NPAS3: variants seen among roughly 807,000 people sequenced by gnomAD.
NPAS3 encodes neuronal PAS domain-containing protein 3.
A neutral mutation model predicts 73.1 loss-of-function variants in NPAS3; 14 were observed. The ratio of observed to expected loss-of-function variants is 0.19; its 90% CI spans 0.13 to 0.30. The LOEUF (loss-of-function observed/expected upper bound fraction) is 0.30. Among genes scored for constraint, NPAS3 ranks in the 10% least tolerant of loss-of-function variants. The pLI, the probability that NPAS3 is intolerant of heterozygous loss-of-function variation, is 1.00. For missense variants in NPAS3, 1,096 were observed against 1,250.0 expected (o/e 0.88, Z 1.86); for synonymous variants, 620 against 541.5 (o/e 1.14, Z -2.01).
At chr14:33,650,090 T>G (rs2058947264) in intron 5 of NPAS3, among the ~76,000 whole-genome samples, 1 of 152,188 alleles carries the variant, frequency 6.6e-6, no homozygotes, top group Admixed American at 6.5e-5. Context: ...GGATGTGTTT[T>G]TAAGAAGGTC....
chr14:33,095,983 T>A (rs12436519), intron 2 of NPAS3, among the ~76,000 whole-genome samples: 13 of 150,990 alleles, frequency 8.6e-5, no homozygotes, highest in African/African-American at 2.9e-4. Flanking sequence ...GCCTGGCCGG[T>A]CATTCTCTGT....
At chr14:32,941,094 A>G (rs1042579623) in intron 1 of NPAS3, among the ~76,000 whole-genome samples, 1 of 152,176 alleles carries the variant, frequency 6.6e-6, no homozygotes. Context: ...AGAAAAAATA[A>G]TTTCTCAGAG....
At chr14:33,109,295 C>T (rs2042816196) in intron 2 of NPAS3, among the ~76,000 whole-genome samples, 1 of 152,100 alleles carries the variant, frequency 6.6e-6, no homozygotes, top group Non-Finnish European at 1.5e-5. Context: ...CCTCAGTTTT[C>T]TCACCTGTAA....
At chr14:33,340,789 G>A (rs1366940654) in intron 3 of NPAS3, among the ~76,000 whole-genome samples, 4 of 152,082 alleles carry the variant, frequency 2.6e-5, no homozygotes, top group African/African-American at 9.7e-5. Context: ...TCAATTATCC[G>A]AATAATCTTT....
chr14:32,935,370 C>A (rs1433191901), upstream of NPAS3, among the ~76,000 whole-genome samples: 1 of 152,160 alleles, frequency 6.6e-6, no homozygotes, highest in African/African-American at 2.4e-5. Flanking sequence ...GATGCGGACC[C>A]GCGCATACGG....
At chr14:33,279,795 C>T (rs2041511823) in intron 3 of NPAS3, among the ~76,000 whole-genome samples, 1 of 152,054 alleles carries the variant, frequency 6.6e-6, no homozygotes, top group Admixed American at 6.6e-5. Context: ...GTATTCTACC[C>T]TGGGAATGAA....
At chr14:33,139,513 G>T (rs555235457) in intron 2 of NPAS3, among the ~76,000 whole-genome samples, 2 of 152,228 alleles carry the variant, frequency 1.3e-5, no homozygotes, top group South Asian at 4.1e-4. Context: ...AGATGTGGAC[G>T]GGGTGGAGGA....
intron 2 of NPAS3, among the ~76,000 whole-genome samples, chr14:33,131,243 A>T (rs2043624808): frequency 6.6e-6 from 1 of 152,164 alleles, no homozygotes. Flanking sequence ...TCATTAGGTC[A>T]TCTACTTGTA....
chr14:33,660,341 A>C (rs941044851), intron 5 of NPAS3, among the ~76,000 whole-genome samples: 1 of 152,072 alleles, frequency 6.6e-6, no homozygotes, highest in Admixed American at 6.6e-5. Context: ...CTCATAACTC[A>C]TTTCTAAACT....
chr14:33,794,610 A>ATT (rs5807747), intron 10 of NPAS3, among the ~76,000 whole-genome samples: 4,441 of 143,272 alleles, frequency 0.031, 157 homozygotes, highest in African/African-American at 0.082. Flanking sequence ...AATGAAGGCA[A>ATT]TTTTTTTTTT....
chr14:33,153,375 G>C (rs1455824228), intron 2 of NPAS3, among the ~76,000 whole-genome samples: 6 of 152,090 alleles, frequency 3.9e-5, no homozygotes, highest in Non-Finnish European at 5.9e-5. Flanking sequence ...GAACCATGTA[G>C]GGAACTCCAA....
chr14:33,527,184 G>A (rs949428883), intron 4 of NPAS3, among the ~76,000 whole-genome samples: 17 of 152,024 alleles, frequency 1.1e-4, no homozygotes, highest in South Asian at 2.1e-4. Flanking sequence ...TCCACTCTCC[G>A]TCTTCCCTAG....
intron 4 of NPAS3, among the ~76,000 whole-genome samples, chr14:33,484,978 G>A (rs1277195479): frequency 1.3e-5 from 2 of 152,112 alleles, no homozygotes; most frequent in Admixed American, 6.5e-5. Context: ...TTTATTAAAA[G>A]GAAAGAATCT....
intron 4 of NPAS3, among the ~76,000 whole-genome samples, chr14:33,367,926 CTT>C (rs559425871): frequency 6.6e-6 from 1 of 151,890 alleles, no homozygotes; most frequent in Admixed American, 6.6e-5. Context: ...TTATTCAAAA[CTT>C]TTTTTTACTA....
chr14:33,084,340 T>C (rs1287317839), intron 2 of NPAS3, among the ~76,000 whole-genome samples: 1 of 152,178 alleles, frequency 6.6e-6, no homozygotes. Context: ...AATGTGGGAC[T>C]AGTCATAAAA....
chr14:33,707,625 T>A (rs2060693135), intron 6 of NPAS3, among the ~76,000 whole-genome samples: 1 of 152,310 alleles, frequency 6.6e-6, no homozygotes, highest in African/African-American at 2.4e-5. Context: ...TGGAAAAGTA[T>A]GCTTTAAAAG....
chr14:32,962,883 T>TC (rs1010479200), intron 1 of NPAS3, among the ~76,000 whole-genome samples: 20 of 149,914 alleles, frequency 1.3e-4, no homozygotes, highest in African/African-American at 4.6e-4. Flanking sequence ...TTTCTTTCTT[T>TC]TTTTTTTTTT....
intron 6 of NPAS3, chr14:33,680,673 C>G: frequency 1.4e-5 from 10 of 702,320 alleles, no homozygotes; most frequent in Non-Finnish European, 1.6e-5. Flanking sequence ...ATGCCTGGAT[C>G]CTACTTCAGA....
At chr14:33,298,082 G>T (rs544221638) in intron 3 of NPAS3, among the ~76,000 whole-genome samples, 1 of 152,290 alleles carries the variant, frequency 6.6e-6, no homozygotes, top group East Asian at 1.9e-4. Context: ...AGGAGTTCGA[G>T]ACCAGCCTGG....
Sources: gnomAD v4.1 joint callset for allele counts (sites outside exome capture counted in the v4.1 genomes callset) on GRCh38, gnomAD v4.1.1 for gene constraint, MANE v1.5 for transcripts, NCBI Gene and HGNC (gene_info 2026-07-23, HGNC 2026-07-21) for gene names.